Variants in KHDRBS2 observed in about 807,000 individuals in gnomAD.
KHDRBS2 encodes the protein KH domain-containing, RNA-binding, signal transduction-associated protein 2.
Under a neutral mutation model 44.3 loss-of-function variants are expected in KHDRBS2, and 26 were observed. The observed-to-expected ratio is 0.59, with a 90% CI of 0.43 to 0.81. The LOEUF is 0.81. Among genes scored for constraint, KHDRBS2 ranks in the 40% least tolerant of loss-of-function variants. The pLI is 0.00. For synonymous variants in KHDRBS2, 194 were observed against 151.1 expected, an observed-to-expected ratio of 1.28 and a Z score of -2.08; for missense variants, 476 against 433.1, an observed-to-expected ratio of 1.10 and a Z score of -0.88.
the KHDRBS2 span, among the ~76,000 whole-genome samples, chr6:61,595,112 T>A: frequency 6.6e-6 from 1 of 152,294 alleles, no homozygotes; most frequent in Admixed American, 6.5e-5. Flanking sequence ...TTCTTTTTAA[T>A]ACTATATAAA....
chr6:62,274,046 C>A (rs190158207), intron 1 of KHDRBS2, among the ~76,000 whole-genome samples: 13 of 152,278 alleles, frequency 8.5e-5, no homozygotes, highest in African/African-American at 3.1e-4. Flanking sequence ...ATCAATTCTC[C>A]TGCCTCAGTC....
chr6:62,040,286 C>A (rs1190567019), intron 3 of KHDRBS2, among the ~76,000 whole-genome samples: 1 of 151,902 alleles, frequency 6.6e-6, no homozygotes. Flanking sequence ...TAGAAATGAT[C>A]AATCTGCGCT....
the KHDRBS2 span, among the ~76,000 whole-genome samples, chr6:61,662,069 A>T: frequency 6.6e-6 from 1 of 152,246 alleles, no homozygotes; most frequent in South Asian, 2.1e-4. Flanking sequence ...AATGGAACAG[A>T]ACAGAGCCCT....
intron 6 of KHDRBS2, among the ~76,000 whole-genome samples, chr6:61,844,141 G>A (rs565334713): frequency 2.0e-5 from 3 of 151,850 alleles, no homozygotes; most frequent in Non-Finnish European, 4.4e-5. Context: ...TACCTCCCAG[G>A]CAAAAATAAA....
rs188185368 is a variant in KHDRBS2, at chr6:62,072,732, A to C, written c.220-24738T>G. Among the ~76,000 whole-genome samples, 10 of 152,172 alleles carry C rather than the reference A, an allele frequency of 6.6e-5. No homozygotes were observed. In the East Asian group the frequency reaches 1.7e-3, roughly 27 times the overall value. Reference sequence around the variant, plus strand: ...GATAAGCTTTTTGATGTGCTGCTGGATTCGGTTTGCCATTATTTTATTGAG... The same window carrying C: ...GATAAGCTTTTTGATGTGCTGCTGGCTTCGGTTTGCCATTATTTTATTGAG... On this transcript the variant is annotated intron_variant, in intron 2 of 8. Coordinates refer to ENST00000281156, the MANE Select transcript of KHDRBS2 (RefSeq NM_152688.4).
At chr6:62,256,517 C>T (rs1393820847) in intron 1 of KHDRBS2, among the ~76,000 whole-genome samples, 2 of 151,944 alleles carry the variant, frequency 1.3e-5, no homozygotes, top group South Asian at 2.1e-4. Context: ...TCTTGTCTGC[C>T]GCCACATGAG....
intron 4 of KHDRBS2, among the ~76,000 whole-genome samples, chr6:61,920,765 T>C (rs1157023740): frequency 6.6e-6 from 1 of 151,938 alleles, no homozygotes; most frequent in Non-Finnish European, 1.5e-5. Context: ...CGTTTAGACA[T>C]AGTGATTTTA....
At chr6:62,005,310 T>C (rs1447890927) in intron 3 of KHDRBS2, among the ~76,000 whole-genome samples, 1 of 152,092 alleles carries the variant, frequency 6.6e-6, no homozygotes, top group Non-Finnish European at 1.5e-5. Context: ...TGAAAAGATG[T>C]TATTATTAAC....
In KHDRBS2 at chr6:61,862,690, G is replaced by A. The variant is rs1473654059; in HGVS notation, c.810+31945C>T. Among the ~76,000 whole-genome samples the A allele has an allele frequency of 2.0e-5, 3 of 152,014 alleles. No individual in the cohort carries two copies. In the South Asian group the frequency reaches 6.2e-4, roughly 31 times the overall value. ...AAGCTTACTTGATCATGGTAAATAA[G>A]CTTTTTTGATATACCGCTGAATTCA... On this transcript the variant is annotated intron_variant, in intron 6 of 8. Transcript: ENST00000281156.
rs555659594 is a variant in KHDRBS2, at chr6:62,065,061, C to T, written c.220-17067G>A. On this transcript the variant is annotated intron_variant, in intron 2 of 8. Transcript: ENST00000281156. ...TCGTCATCACTAGCCATCAGAGAAA[C>T]GCAAATCAAAACCACAATGAGATAC... is the stretch of plus-strand genomic sequence containing the variant. Among the ~76,000 whole-genome samples the T allele has an allele frequency of 1.4e-4, 22 of 152,138 alleles. No homozygotes were observed. In the South Asian group the frequency reaches 4.1e-3, roughly 29 times the overall value.
chr6:62,061,132 G>T (rs1225723843), intron 2 of KHDRBS2, among the ~76,000 whole-genome samples: 1 of 151,790 alleles, frequency 6.6e-6, no homozygotes, highest in Non-Finnish European at 1.5e-5. Flanking sequence ...TATCCAATTT[G>T]CCAGTCTGTG....
intron 2 of KHDRBS2, among the ~76,000 whole-genome samples, chr6:62,076,796 CT>C (rs1028235208): frequency 6.6e-6 from 1 of 151,968 alleles, no homozygotes. Flanking sequence ...AATCCCAACA[CT>C]TTGGGAGGCC....
chr6:61,868,711 A>G (rs1449520623), intron 6 of KHDRBS2, among the ~76,000 whole-genome samples: 11 of 152,122 alleles, frequency 7.2e-5, no homozygotes, highest in Non-Finnish European at 1.5e-4. Context: ...TTCAAATAGT[A>G]AAGGTGGCAG....
chr6:62,171,985 C>T (rs1028924138), intron 2 of KHDRBS2, among the ~76,000 whole-genome samples: 7 of 152,102 alleles, frequency 4.6e-5, no homozygotes, highest in African/African-American at 1.7e-4. Context: ...CACTTAAGTA[C>T]ATAGACCATT....
intron 2 of KHDRBS2, among the ~76,000 whole-genome samples, chr6:62,089,863 A>G (rs973751623): frequency 1.3e-5 from 2 of 152,222 alleles, no homozygotes; most frequent in Non-Finnish European, 2.9e-5. Flanking sequence ...AAGGCTGAAT[A>G]AAGATGTAGA....
the KHDRBS2 span, among the ~76,000 whole-genome samples, chr6:61,670,094 C>T: frequency 6.6e-6 from 1 of 151,262 alleles, no homozygotes; most frequent in Non-Finnish European, 1.5e-5. Context: ...TAGGATTATA[C>T]ATTTCTTATT....
At chr6:62,201,170 T>A (rs1368905122) in intron 1 of KHDRBS2, among the ~76,000 whole-genome samples, 19 of 152,120 alleles carry the variant, frequency 1.2e-4, no homozygotes, top group African/African-American at 4.1e-4. Context: ...ACCAACATGG[T>A]ACATGTATAC....
chr6:62,284,505 TAAA>T (rs897925488), intron 1 of KHDRBS2, among the ~76,000 whole-genome samples: 1 of 152,038 alleles, frequency 6.6e-6, no homozygotes, highest in Non-Finnish European at 1.5e-5. Flanking sequence ...TTTGGGAAAG[TAAA>T]AAAAGTTCGT....
At chr6:61,967,840 C>G (rs1401751518) in intron 4 of KHDRBS2, among the ~76,000 whole-genome samples, 1 of 101,346 alleles carries the variant, frequency 9.9e-6, no homozygotes, top group Non-Finnish European at 2.0e-5. Flanking sequence ...CTCTCTCTCT[C>G]AATACATACA....
Sources: gnomAD v4.1 joint callset for allele counts (sites outside exome capture counted in the v4.1 genomes callset) on GRCh38, gnomAD v4.1.1 for gene constraint, MANE v1.5 for transcripts, NCBI Gene and HGNC (gene_info 2026-07-23, HGNC 2026-07-21) for gene names.